The following TRPS1 variants were observed in gnomAD, a reference collection of about 807,000 sequenced individuals.
TRPS1 encodes the protein zinc finger transcription factor Trps1.
TRPS1 carries 6 observed loss-of-function variants against 101.2 expected under a neutral mutation model. The observed-to-expected ratio is 0.06, with a 90% CI of 0.03 to 0.12. The LOEUF (loss-of-function observed/expected upper bound fraction) is 0.12, where lower values mean the gene tolerates loss of function less well. TRPS1 is among the 10% of genes least tolerant of loss of function. TRPS1 has a pLI of 1.00. For synonymous variants in TRPS1, 578 were observed against 589.8 expected, an observed-to-expected ratio of 0.98 and a Z score of 0.29; for missense variants, 1,363 against 1,567.0, an observed-to-expected ratio of 0.87 and a Z score of 2.20.
intron 5 of TRPS1, among the ~76,000 whole-genome samples, chr8:115,574,009 C>T (rs1237943763): frequency 2.6e-5 from 4 of 152,128 alleles, no homozygotes; most frequent in African/African-American, 9.7e-5. Flanking sequence ...TTCTCGTCTC[C>T]CTTCACCTCT....
intron 5 of TRPS1, among the ~76,000 whole-genome samples, chr8:115,543,542 A>G (rs915683998): frequency 5.9e-5 from 9 of 152,202 alleles, no homozygotes; most frequent in Non-Finnish European, 1.0e-4. Flanking sequence ...TAAAAAATAT[A>G]TATCTATATA....
chr8:115,619,745 A>T lies in TRPS1; in HGVS notation c.353T>A (p.Val118Glu), dbSNP rs778540701. The T allele has an allele frequency of 1.2e-6, 2 of 1,614,110 alleles. No homozygotes were observed. Among genetic ancestry groups the T allele is most frequent in the Non-Finnish European group, 1.7e-6 (2 of 1,180,006 alleles). The change falls in exon 3 of 7, where the codon GTG (valine) becomes GAG (glutamate). Residue 118 changes from valine to glutamate, a missense_variant. Coordinates refer to ENST00000395715, the MANE Select transcript of TRPS1 (RefSeq NM_014112.5). Reference sequence around the variant, plus strand: ...GAAAGCCAACATATTTCTGTCTGTCACCTCATCATGCGGAAAGGAGGGAAA... The same window carrying T: ...GAAAGCCAACATATTTCTGTCTGTCTCCTCATCATGCGGAAAGGAGGGAAA... ...GNFPSFPHDE[V>E]TDRNMLAFSS...
intron 5 of TRPS1, among the ~76,000 whole-genome samples, chr8:115,443,776 G>C (rs560498342): frequency 6.6e-6 from 1 of 152,170 alleles, no homozygotes; most frequent in Non-Finnish European, 1.5e-5. Flanking sequence ...GGTTATGATC[G>C]TTCCATTTCA....
intron 1 of TRPS1, among the ~76,000 whole-genome samples, chr8:115,657,121 G>A (rs1811693434): frequency 6.6e-6 from 1 of 152,108 alleles, no homozygotes; most frequent in African/African-American, 2.4e-5. Flanking sequence ...GAACTGCCTA[G>A]CCAAAAACAA....
chr8:115,604,228 G>A lies in TRPS1; in HGVS notation c.1741C>T (p.Pro581Ser), dbSNP rs1817976849. 1.9e-6 allele frequency: 3 copies of A among 1,613,942 alleles called. No individual in the cohort carries two copies. The African/African-American group carries it at 4.0e-5, about 22-fold the overall frequency. ...TTTTCTGGGCTGCAAAGTCCTCTGG[G>A]ACAGAATGGACAGTGTTTAATGGTA... ...KCTIKHCPFCPRGLCSPEKHL... is the reference protein window; with the variant it reads ...KCTIKHCPFCSRGLCSPEKHL... The change falls in exon 4 of 7, where the codon CCC (proline) becomes TCC (serine). Residue 581 changes from proline (P) to serine (S), a missense_variant. Physicochemically the swap from Pro to Ser is moderately conservative, Grantham distance 74 (BLOSUM62 -1). This residue lies in a region of TRPS1 where 1,020 missense variants were observed against 1,073.0 expected (regional missense o/e 0.95). Transcript: ENST00000395715. The surrounding 1 kb of genome is among the most constrained non-coding windows in gnomAD (Gnocchi z 4.1).
At chr8:115,547,371 CTG>C (rs1440908742) in intron 5 of TRPS1, among the ~76,000 whole-genome samples, 1 of 151,988 alleles carries the variant, frequency 6.6e-6, no homozygotes, top group Non-Finnish European at 1.5e-5. Flanking sequence ...CTTTTTAACT[CTG>C]TGCTAAGCTG....
chr8:115,417,613 G>A (rs1049406896), intron 6 of TRPS1, among the ~76,000 whole-genome samples: 52 of 152,228 alleles, frequency 3.4e-4, no homozygotes, highest in African/African-American at 1.1e-3. Flanking sequence ...GGATTTGTGA[G>A]TTTTAATTTT....
At chr8:115,462,994 T>C (rs374330679) in intron 5 of TRPS1, among the ~76,000 whole-genome samples, 62 of 152,328 alleles carry the variant, frequency 4.1e-4, no homozygotes, top group African/African-American at 1.4e-3. Context: ...GCTTTAAGTC[T>C]CAACTTTCTC....
Position 115,413,995 on chromosome 8 carries a change from C to G in TRPS1, c.*28G>C. 1 of 1,605,160 alleles carries G rather than the reference C, an allele frequency of 6.2e-7. No homozygotes were observed. ...GAATTCCCATCAAGAAAACCTATTT[C>G]TATTTAATTGTGCTAAGTGCTAAGG... On this transcript the variant is annotated 3_prime_UTR_variant, in exon 7 of 7. Transcript: ENST00000395715.
intron 1 of TRPS1, among the ~76,000 whole-genome samples, chr8:115,627,954 T>C (rs972431969): frequency 1.1e-4 from 16 of 151,792 alleles, no homozygotes; most frequent in African/African-American, 3.9e-4. Flanking sequence ...GTAAGCCAAG[T>C]ATATTCAGTA....
chr8:115,473,996 C>T (rs1469956567), intron 5 of TRPS1, among the ~76,000 whole-genome samples: 1 of 152,130 alleles, frequency 6.6e-6, no homozygotes, highest in Non-Finnish European at 1.5e-5. Flanking sequence ...GAAAAGCTTT[C>T]TGCTATGGGA....
At chr8:115,589,168 A>G (rs968245347) in intron 4 of TRPS1, among the ~76,000 whole-genome samples, 1 of 152,190 alleles carries the variant, frequency 6.6e-6, no homozygotes, top group Admixed American at 6.5e-5. Flanking sequence ...TTTTAGAGGA[A>G]TAAGTGTGAG....
At chr8:115,431,222 A>G (rs1813311409) in intron 5 of TRPS1, among the ~76,000 whole-genome samples, 1 of 152,080 alleles carries the variant, frequency 6.6e-6, no homozygotes, top group African/African-American at 2.4e-5. Flanking sequence ...GAAGAGATTG[A>G]ATAATTCAAT....
intron 1 of TRPS1, among the ~76,000 whole-genome samples, chr8:115,663,264 A>T (rs1358459297): frequency 4.1e-5 from 6 of 146,978 alleles, no homozygotes; most frequent in South Asian, 2.1e-4. Context: ...TTTTTTTTTT[A>T]AATGGCATTT....
intron 5 of TRPS1, among the ~76,000 whole-genome samples, chr8:115,536,133 C>G (rs560944664): frequency 2.0e-5 from 3 of 152,136 alleles, no homozygotes; most frequent in Non-Finnish European, 4.4e-5. Flanking sequence ...TATACAAATA[C>G]GTAATACAGA....
intron 4 of TRPS1, among the ~76,000 whole-genome samples, chr8:115,591,792 G>A (rs1257105752): frequency 1.3e-5 from 2 of 152,172 alleles, no homozygotes; most frequent in African/African-American, 4.8e-5. Flanking sequence ...TTAACGGAAG[G>A]ATATTACAAC....
intron 5 of TRPS1, among the ~76,000 whole-genome samples, chr8:115,456,846 A>G (rs1814039024): frequency 6.6e-6 from 1 of 152,034 alleles, no homozygotes; most frequent in African/African-American, 2.4e-5. Flanking sequence ...GAAATTTGCT[A>G]AAGAGAATGA....
chr8:115,630,420 A>G (rs954750186), intron 1 of TRPS1, among the ~76,000 whole-genome samples: 7 of 151,876 alleles, frequency 4.6e-5, no homozygotes, highest in African/African-American at 1.2e-4. Context: ...TCTGCACCCC[A>G]ATTATTAGTT....
At chr8:115,436,166 T>C (rs148666868) in intron 5 of TRPS1, among the ~76,000 whole-genome samples, 5 of 152,140 alleles carry the variant, frequency 3.3e-5, no homozygotes, top group Admixed American at 3.3e-4. Context: ...TCACATTGTA[T>C]GACTATGAAG....
Sources: gnomAD v4.1 joint callset for allele counts (sites outside exome capture counted in the v4.1 genomes callset) on GRCh38, gnomAD v4.1.1 for gene constraint, gnomAD v4.1.1 regional missense constraint, Gnocchi (gnomAD v3.1) non-coding constraint, MANE v1.5 for transcripts, NCBI Gene and HGNC (gene_info 2026-07-23, HGNC 2026-07-21) for gene names.